TRAPPC9: variants seen among roughly 807,000 people sequenced by gnomAD.
The protein encoded by TRAPPC9 is IKK2 binding protein.
TRAPPC9 carries 83 observed loss-of-function variants against 124.0 expected under a neutral mutation model. The ratio of observed to expected loss-of-function variants is 0.67; its 90% CI spans 0.56 to 0.80. The LOEUF (loss-of-function observed/expected upper bound fraction) is 0.80. Among genes scored for constraint, TRAPPC9 ranks in the 30% least tolerant of loss-of-function variants. The probability of loss-of-function intolerance (pLI) is 0.00; values close to 1 mark genes in which losing one functional copy is unlikely to be tolerated. For synonymous variants in TRAPPC9, 638 were observed against 617.5 expected (o/e 1.03, Z -0.49); for missense variants, 1,302 against 1,508.3 (o/e 0.86, Z 2.27).
At chr8:140,386,016 T>C (rs201897392) in intron 7 of TRAPPC9, among the ~76,000 whole-genome samples, 2 of 152,122 alleles carry the variant, frequency 1.3e-5, no homozygotes, top group Non-Finnish European at 2.9e-5. Context: ...GTTCAATATA[T>C]GCAAATCAAT....
chr8:140,101,300 T>C (rs1328753136), intron 17 of TRAPPC9, among the ~76,000 whole-genome samples: 1 of 151,834 alleles, frequency 6.6e-6, no homozygotes, highest in East Asian at 2.0e-4. Flanking sequence ...CTACGATGCC[T>C]AATTTTTGTA....
chr8:140,032,169 C>G (rs753974734), intron 17 of TRAPPC9, among the ~76,000 whole-genome samples: 2 of 152,216 alleles, frequency 1.3e-5, no homozygotes, highest in Non-Finnish European at 2.9e-5. Context: ...TGCTCCAGCA[C>G]CCATCACACC....
chr8:139,815,216 C>A (rs1195171453), intron 21 of TRAPPC9, among the ~76,000 whole-genome samples: 1 of 152,122 alleles, frequency 6.6e-6, no homozygotes, highest in Non-Finnish European at 1.5e-5. Flanking sequence ...CGGAGAAGCT[C>A]CCATCACTCC....
intron 21 of TRAPPC9, among the ~76,000 whole-genome samples, chr8:139,784,977 G>A (rs1472094693): frequency 6.6e-6 from 1 of 152,024 alleles, no homozygotes; most frequent in Non-Finnish European, 1.5e-5. Flanking sequence ...GATTCATATG[G>A]AAATACAAAA....
At chr8:139,969,380 C>T (rs962242101) in intron 19 of TRAPPC9, among the ~76,000 whole-genome samples, 11 of 152,194 alleles carry the variant, frequency 7.2e-5, no homozygotes, top group Admixed American at 4.6e-4. Flanking sequence ...GCGCCTGGTG[C>T]GTGGCTTGGC....
chr8:139,770,885 C>T (rs756389590), intron 21 of TRAPPC9, among the ~76,000 whole-genome samples: 1 of 152,114 alleles, frequency 6.6e-6, no homozygotes, highest in Non-Finnish European at 1.5e-5. Context: ...AAAGGCTGGC[C>T]CTGCCCGGGC....
intron 19 of TRAPPC9, among the ~76,000 whole-genome samples, chr8:139,940,679 TCCTCCAA>T (rs1305033178): frequency 8.4e-4 from 128 of 152,212 alleles, no homozygotes; most frequent in African/African-American, 3.0e-3. Context: ...CCACAGAACT[TCCTCCAA>T]GAAGCTATGA....
At chr8:140,227,586 A>G (rs1427142644) in intron 16 of TRAPPC9, among the ~76,000 whole-genome samples, 1 of 152,252 alleles carries the variant, frequency 6.6e-6, no homozygotes, top group Non-Finnish European at 1.5e-5. Context: ...GTATGCTAAA[A>G]TAATACTTCT....
chr8:140,166,359 T>G (rs1411391707), intron 17 of TRAPPC9, among the ~76,000 whole-genome samples: 1 of 152,060 alleles, frequency 6.6e-6, no homozygotes, highest in Non-Finnish European at 1.5e-5. Flanking sequence ...GGGTGCCAAA[T>G]GCAACAATGA....
intron 9 of TRAPPC9, among the ~76,000 whole-genome samples, chr8:140,355,874 CTAAT>C (rs753068769): frequency 6.6e-6 from 1 of 152,170 alleles, no homozygotes. Flanking sequence ...TATAAAATGT[CTAAT>C]TACTCAAAAA....
At chr8:140,304,817 C>T (rs954335292) in intron 10 of TRAPPC9, among the ~76,000 whole-genome samples, 3 of 152,020 alleles carry the variant, frequency 2.0e-5, no homozygotes, top group Non-Finnish European at 4.4e-5. Context: ...GCAGCCCACC[C>T]GTTATCCTAG....
chr8:140,304,612 C>T (rs1011375247), intron 10 of TRAPPC9, among the ~76,000 whole-genome samples: 12 of 152,194 alleles, frequency 7.9e-5, no homozygotes, highest in Non-Finnish European at 1.6e-4. Context: ...CATTTAACTA[C>T]TGCACACAGA....
intron 18 of TRAPPC9, among the ~76,000 whole-genome samples, chr8:140,020,582 T>C (rs1414841502): frequency 3.3e-5 from 5 of 152,022 alleles, no homozygotes. Flanking sequence ...GCTATGATGG[T>C]GCCAGTGCAT....
At chr8:140,296,997 C>G (rs915813515) in intron 11 of TRAPPC9, among the ~76,000 whole-genome samples, 8 of 152,220 alleles carry the variant, frequency 5.3e-5, no homozygotes, top group African/African-American at 1.9e-4. Context: ...GTGGCCTGCC[C>G]ATCCCCACGG....
chr8:140,038,502 C>T (rs915086464), intron 17 of TRAPPC9, among the ~76,000 whole-genome samples: 1 of 152,240 alleles, frequency 6.6e-6, no homozygotes, highest in African/African-American at 2.4e-5. Context: ...CTGGAAAATA[C>T]CTGCAGCGAA....
intron 17 of TRAPPC9, among the ~76,000 whole-genome samples, chr8:140,105,275 T>C (rs1051778095): frequency 3.3e-5 from 5 of 152,224 alleles, no homozygotes; most frequent in East Asian, 1.9e-4. Context: ...TCTATAAATA[T>C]ATGGCAAATT....
intron 21 of TRAPPC9, among the ~76,000 whole-genome samples, chr8:139,801,056 C>G (rs370885985): frequency 1.6e-5 from 2 of 127,630 alleles, no homozygotes; most frequent in East Asian, 2.0e-4. Flanking sequence ...CCGGCACCTT[C>G]CCTCCCTCCA....
rs571646430 is a variant in TRAPPC9 at position 139,729,846 on chromosome 8, A to G, written c.*1215T>C. Among the ~76,000 whole-genome samples, 198 of 152,230 alleles carry G rather than the reference A, an allele frequency of 1.3e-3. 1 individual carries two copies. The highest frequency in any genetic ancestry group is 4.5e-3 in the African/African-American group (186 of 41,552). ...AGGAAGCCCCGCTCTCTGTCCCCCA[A>G]TACTCCATGGGAGTTTCAGTGCCCA... On this transcript the variant is annotated 3_prime_UTR_variant, in exon 23 of 23. Coordinates refer to ENST00000438773, the MANE Select transcript of TRAPPC9 (RefSeq NM_001160372.4).
intron 17 of TRAPPC9, among the ~76,000 whole-genome samples, chr8:140,041,499 C>G (rs562314901): frequency 1.1e-4 from 16 of 152,238 alleles, no homozygotes; most frequent in Non-Finnish European, 2.2e-4. Flanking sequence ...CTGGGAAGCC[C>G]AAGGTCCAAC....
Sources: allele counts gnomAD v4.1 joint callset (sites outside exome capture counted in the v4.1 genomes callset), GRCh38; gene constraint gnomAD v4.1.1; transcripts MANE v1.5; gene names NCBI Gene and HGNC (gene_info 2026-07-23, HGNC 2026-07-21).